Variants in CAB39 observed in about 807,000 individuals in gnomAD.
The protein encoded by CAB39 is calcium-binding protein 39.
In CAB39, 8 loss-of-function variants were observed where a neutral mutation model predicts 40.0. The ratio of observed to expected loss-of-function variants is 0.20; its 90% CI spans 0.12 to 0.36. The LOEUF is 0.36. Ranked by LOEUF, CAB39 falls within the 10% of genes least tolerant of loss-of-function variation. The pLI is 1.00. For synonymous variants in CAB39, 156 were observed against 141.6 expected, an observed-to-expected ratio of 1.10 and a Z score of -0.72; for missense variants, 270 against 401.1, an observed-to-expected ratio of 0.67 and a Z score of 2.79.
chr2:230,735,419 G>A lies in CAB39; in HGVS notation c.-44+22189G>A, dbSNP rs192378054. On this transcript the variant is annotated intron_variant, in intron 1 of 8. Transcript: ENST00000258418. ...TGGCCTCAAGTGATCCGTCCGCCTC[G>A]GCCTCCCAAAGTGCTGGGATTATAG... is the stretch of plus-strand genomic sequence containing the variant. 9.7e-3 allele frequency among the ~76,000 whole-genome samples: 1,474 copies of A among 152,004 alleles called. 23 individuals carry two copies. The highest frequency in any genetic ancestry group is 0.033 in the African/African-American group (1,357 of 41,452).
At chr2:230,776,598 A>G (rs983213262) in intron 2 of CAB39, among the ~76,000 whole-genome samples, 10 of 152,218 alleles carry the variant, frequency 6.6e-5, no homozygotes, top group African/African-American at 2.4e-4. Flanking sequence ...CATTCCCATG[A>G]GATCCACACA....
At chr2:230,805,105 G>A (rs1457756405) in intron 5 of CAB39, among the ~76,000 whole-genome samples, 1 of 152,126 alleles carries the variant, frequency 6.6e-6, no homozygotes, top group African/African-American at 2.4e-5. Flanking sequence ...TAGCGACATG[G>A]ATGAAGCTTG....
chr2:230,814,697 T>C (rs952236638), intron 7 of CAB39, among the ~76,000 whole-genome samples: 20 of 152,340 alleles, frequency 1.3e-4, no homozygotes, highest in African/African-American at 4.8e-4. Context: ...ACATATTGTC[T>C]GTGGCTGTTT....
chr2:230,779,544 C>T (rs1695651825), intron 2 of CAB39: 1 of 152,176 alleles, frequency 6.6e-6, no homozygotes, highest in Non-Finnish European at 1.5e-5. Flanking sequence ...TTTAATAAAG[C>T]AGTCTGCCCA....
At chr2:230,730,894 C>CTT (rs1198518034) in intron 1 of CAB39, among the ~76,000 whole-genome samples, 1 of 152,168 alleles carries the variant, frequency 6.6e-6, no homozygotes, top group Non-Finnish European at 1.5e-5. Flanking sequence ...ATAGTAAAAG[C>CTT]TTATACAAAC....
intron 2 of CAB39, among the ~76,000 whole-genome samples, chr2:230,778,692 A>AT (rs1695636714): frequency 6.6e-6 from 1 of 152,180 alleles, no homozygotes; most frequent in Non-Finnish European, 1.5e-5. Context: ...TATGGACTCT[A>AT]TCCTTAAAAA....
At chr2:230,763,928 C>T (rs955478210) in intron 2 of CAB39, among the ~76,000 whole-genome samples, 12 of 152,124 alleles carry the variant, frequency 7.9e-5, no homozygotes, top group Admixed American at 6.5e-4. Context: ...TCGAGACTAG[C>T]ATGACCAACA....
chr2:230,714,347 G>A lies in CAB39; in HGVS notation c.-44+1117G>A, dbSNP rs113818454. On this transcript the variant is annotated intron_variant, in intron 1 of 8. Transcript: ENST00000258418. ...GGAGTTGACATTCTGTGCCTTGAAT[G>A]TAATGCAGTTTCAGATCGATTTTGA... is the stretch of plus-strand genomic sequence containing the variant. Among the ~76,000 whole-genome samples the A allele has an allele frequency of 8.5e-3, 1,302 of 152,310 alleles. 18 individuals carry two copies. Among genetic ancestry groups the A allele is most frequent in the African/African-American group, 0.028 (1,165 of 41,562 alleles).
chr2:230,769,825 A>G (rs960825458), intron 2 of CAB39, among the ~76,000 whole-genome samples: 2 of 138,116 alleles, frequency 1.4e-5, no homozygotes, highest in Non-Finnish European at 3.2e-5. Context: ...CTAAAAATAC[A>G]AAAAAAAAAA....
At chr2:230,758,842 G>T (rs528857873) in intron 1 of CAB39, among the ~76,000 whole-genome samples, 1 of 152,266 alleles carries the variant, frequency 6.6e-6, no homozygotes, top group East Asian at 1.9e-4. Context: ...TCATCTTTCG[G>T]TGTCTGATAG....
At chr2:230,750,366 T>C (rs1695064203) in intron 1 of CAB39, among the ~76,000 whole-genome samples, 2 of 152,204 alleles carry the variant, frequency 1.3e-5, no homozygotes, top group Admixed American at 6.6e-5. Context: ...TCTTTACATA[T>C]GTCCACCTCC....
chr2:230,769,011 T>G (rs982623719), intron 2 of CAB39, among the ~76,000 whole-genome samples: 2 of 152,172 alleles, frequency 1.3e-5, no homozygotes, highest in South Asian at 2.1e-4. Flanking sequence ...TTAAAAAATG[T>G]ACTTTACAGT....
chr2:230,805,185 C>T (rs909955278), intron 5 of CAB39, among the ~76,000 whole-genome samples: 3 of 150,232 alleles, frequency 2.0e-5, no homozygotes, highest in African/African-American at 4.9e-5. Flanking sequence ...CTCATAGGTG[C>T]GAATTGAACA....
At chr2:230,797,447 A>G (rs1483563075) in intron 4 of CAB39, among the ~76,000 whole-genome samples, 2 of 151,452 alleles carry the variant, frequency 1.3e-5, no homozygotes, top group Admixed American at 1.3e-4. Context: ...AGAACATGGA[A>G]ATTTCTGTTA....
At chr2:230,818,151 T>C (rs1696436130) in intron 8 of CAB39, 1 of 480,190 alleles carries the variant, frequency 2.1e-6, no homozygotes, top group Non-Finnish European at 3.6e-6. Context: ...GATTAGTAAC[T>C]GCAAAACAAA....
intron 1 of CAB39, among the ~76,000 whole-genome samples, 157 bp downstream of exon 1, chr2:230,713,387 C>G (rs759091858): frequency 6.6e-6 from 1 of 152,190 alleles, no homozygotes. Flanking sequence ...AGCAGCCGGG[C>G]CCAGCCTGCC....
intron 1 of CAB39, among the ~76,000 whole-genome samples, chr2:230,756,708 T>G (rs1325972586): frequency 6.6e-6 from 1 of 150,798 alleles, no homozygotes; most frequent in Non-Finnish European, 1.5e-5. Context: ...TTTATTTATT[T>G]TTGAGACGGA....
At chr2:230,737,566 A>G (rs1694808598) in intron 1 of CAB39, among the ~76,000 whole-genome samples, 1 of 152,250 alleles carries the variant, frequency 6.6e-6, no homozygotes. Flanking sequence ...GTTAGAGATT[A>G]CAGAGCGCTG....
At chr2:230,756,658 TTTG>T (rs1488432818) in intron 1 of CAB39, among the ~76,000 whole-genome samples, 2 of 93,928 alleles carry the variant, frequency 2.1e-5, no homozygotes, top group African/African-American at 6.0e-5. Context: ...TTTCTAACTG[TTTG>T]TTTATTTATT....
Sources: allele counts gnomAD v4.1 joint callset (sites outside exome capture counted in the v4.1 genomes callset), GRCh38; gene constraint gnomAD v4.1.1; transcripts MANE v1.5; gene names NCBI Gene and HGNC (gene_info 2026-07-23, HGNC 2026-07-21).